Variants in UTRN observed in about 807,000 individuals in gnomAD.
The protein encoded by UTRN is dystrophin-related protein 1.
UTRN carries 283 observed loss-of-function variants against 463.9 expected under a neutral mutation model. The ratio of observed to expected loss-of-function variants is 0.61; its 90% CI spans 0.55 to 0.67. The LOEUF is 0.67. Ranked by LOEUF, UTRN falls within the 30% of genes least tolerant of loss-of-function variation. The pLI is 0.00. For missense variants in UTRN, 3,922 were observed against 4,084.3 expected, an observed-to-expected ratio of 0.96 and a Z score of 1.08; for synonymous variants, 1,442 against 1,431.5, an observed-to-expected ratio of 1.01 and a Z score of -0.17.
chr6:144,765,672 A>G (rs1793221983), intron 58 of UTRN, among the ~76,000 whole-genome samples: 1 of 152,178 alleles, frequency 6.6e-6, no homozygotes. Flanking sequence ...TGGCCTCCCC[A>G]AATGCTGGGA....
At chr6:144,452,799 T>C (rs1212861131) in intron 18 of UTRN, among the ~76,000 whole-genome samples, 1 of 150,464 alleles carries the variant, frequency 6.6e-6, no homozygotes, top group Non-Finnish European at 1.5e-5. Flanking sequence ...AAAAAATTTG[T>C]GGGGCGTGAG....
At position 144,435,958 on chromosome 6, in the gene UTRN, T is replaced by G. The variant is rs1786497257; in HGVS notation, c.879T>G (p.His293Gln). ...AGAGTACAGCGCCTGAGGAGGAGCA[T>G]GAGAGTCCCCGAGCTGAAACTCCCA... The part of the protein sequence containing the change: ...NIQSTAPEEE[H>Q]ESPRAETPST... Residue 293 changes from histidine to glutamine, a missense_variant, in exon 10 of 75, where the codon CAT becomes CAG. By Grantham distance (24) the His-to-Gln change is conservative (BLOSUM62 0). This residue lies in a region of UTRN where 2,349 missense variants were observed against 2,303.8 expected (regional missense o/e 1.02). Transcript: ENST00000367545. The G allele has an allele frequency of 1.9e-6, 3 of 1,614,072 alleles. No individual in the cohort carries two copies. Among genetic ancestry groups the G allele is most frequent in the Non-Finnish European group, 2.5e-6 (3 of 1,180,034 alleles).
intron 51 of UTRN, among the ~76,000 whole-genome samples, chr6:144,674,969 G>C (rs754337052): frequency 6.6e-6 from 1 of 152,190 alleles, no homozygotes; most frequent in Non-Finnish European, 1.5e-5. Flanking sequence ...TTTCTTGTTG[G>C]TTTGGATTGG....
intron 23 of UTRN, 22 bp downstream of exon 23, chr6:144,462,888 A>G (rs1329995908): frequency 6.4e-7 from 1 of 1,558,790 alleles, no homozygotes. Context: ...GGCCACTGGG[A>G]GTTTAAGTTT....
At chr6:144,765,768 C>A (rs1235639051) in intron 58 of UTRN, among the ~76,000 whole-genome samples, 2 of 152,090 alleles carry the variant, frequency 1.3e-5, no homozygotes, top group African/African-American at 4.8e-5. Flanking sequence ...ATGTTGTCTT[C>A]CTGCCTCCTG....
chr6:144,325,178 G>A (rs1010910361), intron 2 of UTRN, among the ~76,000 whole-genome samples: 1 of 150,844 alleles, frequency 6.6e-6, no homozygotes, highest in African/African-American at 2.5e-5. Flanking sequence ...ATAGCTTGAA[G>A]TGTCCCCCGA....
intron 51 of UTRN, chr6:144,583,677 T>A: frequency 2.1e-6 from 1 of 473,228 alleles, no homozygotes; most frequent in African/African-American, 2.0e-5. Context: ...AACTAATCTT[T>A]CAGGTTCTTA....
At chr6:144,459,663 T>G (rs528408235) in intron 21 of UTRN, among the ~76,000 whole-genome samples, 21 of 152,242 alleles carry the variant, frequency 1.4e-4, no homozygotes, top group African/African-American at 4.3e-4. Context: ...GGTGCAATCA[T>G]AGCTGCAGTC....
At chr6:144,538,155 C>T (rs1797692537) in intron 44 of UTRN, among the ~76,000 whole-genome samples, 1 of 152,072 alleles carries the variant, frequency 6.6e-6, no homozygotes, top group Admixed American at 6.5e-5. Flanking sequence ...GGTTTAGTGT[C>T]ATGGTTGTAT....
chr6:144,541,123 A>G (rs557431124), intron 45 of UTRN, among the ~76,000 whole-genome samples: 1 of 152,326 alleles, frequency 6.6e-6, no homozygotes, highest in East Asian at 1.9e-4. Flanking sequence ...GATTGGTTAA[A>G]ACATAATTCA....
chr6:144,633,677 C>G (rs1023720443), intron 51 of UTRN, among the ~76,000 whole-genome samples: 1 of 152,170 alleles, frequency 6.6e-6, no homozygotes, highest in Non-Finnish European at 1.5e-5. Flanking sequence ...GAAAAGCAAT[C>G]TAAGTACCAT....
intron 3 of UTRN, among the ~76,000 whole-genome samples, chr6:144,413,447 A>C (rs1202050718): frequency 3.9e-5 from 6 of 152,120 alleles, no homozygotes; most frequent in Admixed American, 3.9e-4. Flanking sequence ...CACGTCTTGC[A>C]TGGCGTCAGG....
intron 17 of UTRN, 90 bp downstream of exon 17, chr6:144,448,859 A>T: frequency 5.1e-6 from 7 of 1,370,040 alleles, no homozygotes; most frequent in Non-Finnish European, 5.9e-6. Flanking sequence ...CATTAATCAT[A>T]GGCAAATCTA....
chr6:144,598,610 G>T lies in UTRN; in HGVS notation c.7479+21322G>T, dbSNP rs576737669. Reference sequence around the variant, plus strand: ...CCCCAGAAGAGACAGCTTTGCAGGGGTATTTCAAAATATGTCAAAGAAATA... The same window carrying T: ...CCCCAGAAGAGACAGCTTTGCAGGGTTATTTCAAAATATGTCAAAGAAATA... On this transcript the variant is annotated intron_variant, in intron 51 of 74. Transcript: ENST00000367545. Among the ~76,000 whole-genome samples the T allele has an allele frequency of 3.2e-4, 48 of 152,260 alleles. No individual in the cohort carries two copies. The East Asian group carries it at 8.1e-3, about 26-fold the overall frequency.
chr6:144,850,983 C>T lies in UTRN; in HGVS notation c.10294-6C>T, dbSNP rs138709172. ...TTTCTGACAGTGCTATTTTCCCTTC[C>T]CATAGGCAATGTGAAGTATTCATCC... On this transcript the variant is annotated splice_region_variant and splice_polypyrimidine_tract_variant and intron_variant, in intron 74 of 74. Transcript: ENST00000367545. 44 of 1,613,590 alleles carry T rather than the reference C, an allele frequency of 2.7e-5. 1 individual carries two copies. In the East Asian group the frequency reaches 8.9e-4, roughly 33 times the overall value.
intron 65 of UTRN, among the ~76,000 whole-genome samples, chr6:144,806,171 A>G (rs1778129972): frequency 1.3e-5 from 2 of 152,208 alleles, no homozygotes; most frequent in Non-Finnish European, 2.9e-5. Context: ...AAACCCACAT[A>G]TCTTCAACAG....
At chr6:144,502,478 C>G (rs537541825) in intron 34 of UTRN, among the ~76,000 whole-genome samples, 3 of 152,018 alleles carry the variant, frequency 2.0e-5, no homozygotes, top group Non-Finnish European at 4.4e-5. Flanking sequence ...TCTCATTGTT[C>G]AATTCCCACT....
At chr6:144,669,583 A>G (rs932428420) in intron 51 of UTRN, among the ~76,000 whole-genome samples, 1 of 152,126 alleles carries the variant, frequency 6.6e-6, no homozygotes, top group Non-Finnish European at 1.5e-5. Context: ...TAACATTTTT[A>G]TGGCTTTTTA....
intron 6 of UTRN, among the ~76,000 whole-genome samples, chr6:144,426,074 AAAAATCAC>A (rs1785269245): frequency 3.3e-5 from 5 of 152,244 alleles, no homozygotes; most frequent in Non-Finnish European, 7.3e-5. Context: ...AAAGTGAGGT[AAAAATCAC>A]CTCAAATTCT....
Sources: allele counts gnomAD v4.1 joint callset (sites outside exome capture counted in the v4.1 genomes callset), GRCh38; gene constraint gnomAD v4.1.1; regional missense constraint gnomAD v4.1.1; transcripts MANE v1.5; gene names NCBI Gene and HGNC (gene_info 2026-07-23, HGNC 2026-07-21).